The following DHX8 variants were observed in gnomAD, a reference collection of about 807,000 sequenced individuals.
DHX8 encodes the protein ATP-dependent RNA helicase DHX8.
In DHX8, 67 loss-of-function variants were observed where a neutral mutation model predicts 140.7. The observed-to-expected ratio is 0.48, with a 90% CI of 0.39 to 0.58. The LOEUF (loss-of-function observed/expected upper bound fraction) is 0.58. DHX8 is among the 20% of genes least tolerant of loss of function. The pLI, the probability that DHX8 is intolerant of heterozygous loss-of-function variation, is 0.00. For synonymous variants in DHX8, 533 were observed against 553.2 expected (o/e 0.96, Z 0.51); for missense variants, 887 against 1,550.7 (o/e 0.57, Z 7.19).
chr17:43,535,041 T>C (rs1310284806), intron 2 of DHX8, among the ~76,000 whole-genome samples: 1 of 152,220 alleles, frequency 6.6e-6, no homozygotes, highest in African/African-American at 2.4e-5. Flanking sequence ...CTCCTACTTA[T>C]CTGTGAAGAA....
chr17:43,495,970 C>T (rs568175979), intron 8 of DHX8, among the ~76,000 whole-genome samples: 5 of 152,044 alleles, frequency 3.3e-5, no homozygotes, highest in African/African-American at 4.8e-5. Context: ...TTATGGTGTG[C>T]GCCACTAGTG....
chr17:43,490,757 C>G (rs758907216), intron 3 of DHX8, among the ~76,000 whole-genome samples: 4 of 152,088 alleles, frequency 2.6e-5, no homozygotes, highest in Non-Finnish European at 4.4e-5. Context: ...CTCCGTAGTT[C>G]CAGCTACTTG....
intron 17 of DHX8, among the ~76,000 whole-genome samples, chr17:43,516,156 T>A (rs1970104652): frequency 6.6e-6 from 1 of 152,182 alleles, no homozygotes; most frequent in South Asian, 2.1e-4. Context: ...CAAGTAAGTA[T>A]GCAGTTTTGT....
chr17:43,510,325 G>A (rs907914079), intron 16 of DHX8, among the ~76,000 whole-genome samples: 1 of 152,194 alleles, frequency 6.6e-6, no homozygotes, highest in Non-Finnish European at 1.5e-5. Context: ...CGGGATTCCA[G>A]GTGTGAGCCA....
chr17:43,491,586 T>A (rs1173007924), intron 4 of DHX8, among the ~76,000 whole-genome samples: 2 of 152,198 alleles, frequency 1.3e-5, no homozygotes, highest in African/African-American at 4.8e-5. Context: ...TTTTGATTTT[T>A]AAATTTCATT....
intron 13 of DHX8, 68 bp downstream of exon 13, chr17:43,507,265 T>C (rs1797715995): frequency 1.3e-5 from 19 of 1,490,912 alleles, no homozygotes; most frequent in Non-Finnish European, 1.5e-5. Flanking sequence ...ATCTATCAAA[T>C]GGAAATATTA....
At chr17:43,523,339 G>C (rs1970477478) in intron 22 of DHX8, among the ~76,000 whole-genome samples, 1 of 152,172 alleles carries the variant, frequency 6.6e-6, no homozygotes, top group Non-Finnish European at 1.5e-5. Context: ...ATTTTATAGA[G>C]CAAGAAACAG....
intron 17 of DHX8, among the ~76,000 whole-genome samples, chr17:43,515,649 C>G (rs536773051): frequency 6.6e-6 from 1 of 152,268 alleles, no homozygotes; most frequent in African/African-American, 2.4e-5. Context: ...GCTAGTGGAG[C>G]CAAGATTTGA....
intron 6 of DHX8, 115 bp from the exon 7 acceptor site, chr17:43,493,330 G>A (rs1453736828): frequency 2.6e-5 from 36 of 1,402,836 alleles, no homozygotes; most frequent in Non-Finnish European, 3.4e-5. Flanking sequence ...CACCTTCATG[G>A]TACTTTTCTC....
intron 11 of DHX8, among the ~76,000 whole-genome samples, chr17:43,504,273 G>A (rs957336239): frequency 5.3e-5 from 8 of 150,828 alleles, no homozygotes; most frequent in South Asian, 2.1e-4. Context: ...ACCTCTTCTC[G>A]CTTGAGCCCA....
intron 22 of DHX8, among the ~76,000 whole-genome samples, chr17:43,523,076 A>AG (rs1438604050): frequency 4.6e-5 from 7 of 151,736 alleles, no homozygotes; most frequent in Non-Finnish European, 7.4e-5. Context: ...AAAAAAAAAA[A>AG]AAAGAAAGAA....
chr17:43,501,711 G>A (rs959745649), intron 11 of DHX8, among the ~76,000 whole-genome samples: 7 of 144,436 alleles, frequency 4.8e-5, no homozygotes, highest in African/African-American at 1.0e-4. Flanking sequence ...TCTCGAACTC[G>A]CGACCTCAGG....
chr17:43,525,721 C>T (rs1369617816), downstream of DHX8: 8 of 983,150 alleles, frequency 8.1e-6, no homozygotes, highest in Non-Finnish European at 8.5e-6. Context: ...CTTCCTGCCT[C>T]AGCCTCCTGA....
intron 9 of DHX8, among the ~76,000 whole-genome samples, chr17:43,498,659 G>A (rs1017441882): frequency 1.3e-5 from 2 of 151,892 alleles, no homozygotes; most frequent in African/African-American, 4.8e-5. Context: ...GTGTTGACCA[G>A]TCTGATCTCA....
intron 16 of DHX8, among the ~76,000 whole-genome samples, chr17:43,508,877 C>T (rs994108062): frequency 1.3e-5 from 2 of 152,010 alleles, no homozygotes; most frequent in Non-Finnish European, 2.9e-5. Flanking sequence ...CCTCAGCCTC[C>T]CAAAGTGCTG....
In DHX8 at chr17:43,524,490, A is replaced by G. The variant is rs1001792224; in HGVS notation, c.*643A>G. 5.1e-6 allele frequency: 5 copies of G among 986,686 alleles called. No homozygotes were observed. Among genetic ancestry groups the G allele is most frequent in the South Asian group, 9.4e-5 (2 of 21,338 alleles). The allele number at this position is 986,686 out of a possible 1,614,324, so 61.1% of individuals were successfully genotyped here. A position where few individuals can be genotyped will look rare whatever the true frequency, so the allele number is the denominator to read the frequency against. Reference sequence around the variant, plus strand: ...CGCTCGGAAACGACGTACAACCCAGACTTCCAGCCTTGTCTTTCAGCATCA... The same window carrying G: ...CGCTCGGAAACGACGTACAACCCAGGCTTCCAGCCTTGTCTTTCAGCATCA... On this transcript the variant is annotated 3_prime_UTR_variant, in exon 23 of 23. Coordinates refer to ENST00000262415, the MANE Select transcript of DHX8 (RefSeq NM_004941.3).
At position 43,522,091 on chromosome 17, in the gene DHX8, T is replaced by C. The variant is rs760609708; in HGVS notation, c.3308T>C (p.Val1103Ala). ...TCCTGTGGCAAGTCCACAGTCCGAG[T>C]GCAGAAGGCCATCTGCAGTGGGTTC... ...VVSCGKSTVR[V>A]QKAICSGFFR... is the part of the protein sequence containing the mutation. Residue 1103 changes from valine (V) to alanine (A), a missense_variant, in exon 22 of 23, where the codon GTG (valine) becomes GCG (alanine). Physicochemically the swap from Val to Ala is moderately conservative, Grantham distance 64. This residue lies in a region of DHX8 where 101 missense variants were observed against 168.2 expected (regional missense o/e 0.60). Transcript: ENST00000262415. 8.1e-6 allele frequency: 13 copies of C among 1,614,048 alleles called. No individual in the cohort carries two copies. Among genetic ancestry groups the C allele is most frequent in the Non-Finnish European group, 1.0e-5 (12 of 1,180,000 alleles).
intron 9 of DHX8, among the ~76,000 whole-genome samples, chr17:43,498,595 G>A (rs945275235): frequency 6.6e-6 from 1 of 151,646 alleles, no homozygotes; most frequent in African/African-American, 2.4e-5. Context: ...GACTACAGGT[G>A]CCCACCACCA....
intron 3 of DHX8, among the ~76,000 whole-genome samples, chr17:43,537,332 T>C (rs1971296132): frequency 6.6e-6 from 1 of 151,996 alleles, no homozygotes; most frequent in African/African-American, 2.4e-5. Context: ...ACCACTGCAC[T>C]CCAGCCTGGG....
Sources: allele counts gnomAD v4.1 joint callset (sites outside exome capture counted in the v4.1 genomes callset), GRCh38; gene constraint gnomAD v4.1.1; regional missense constraint gnomAD v4.1.1; transcripts MANE v1.5; gene names NCBI Gene and HGNC (gene_info 2026-07-23, HGNC 2026-07-21).